HBP1: variants seen among roughly 807,000 people sequenced by gnomAD.
HBP1 encodes the protein HMG box-containing protein 1.
A neutral mutation model predicts 62.6 loss-of-function variants in HBP1; 20 were observed. The observed-to-expected ratio is 0.32, with a 90% confidence interval of 0.22 to 0.46. HBP1 has a LOEUF of 0.46. Ranked by LOEUF, HBP1 falls within the 20% of genes least tolerant of loss-of-function variation. HBP1 has a pLI of 1.00. For synonymous variants in HBP1, 232 were observed against 206.2 expected (o/e 1.12, Z -1.07); for missense variants, 480 against 611.8 (o/e 0.78, Z 2.27).
chr7:107,169,136 T>G lies in HBP1; in HGVS notation c.-65T>G, dbSNP rs902946928. On this transcript the variant is annotated 5_prime_UTR_variant, in exon 1 of 11. Coordinates refer to ENST00000222574, the MANE Select transcript of HBP1 (RefSeq NM_012257.4). Reference sequence around the variant, plus strand: ...GGGGGTACGAGAGCTGCTGGTGGTGTTGTCGTGGCCGGAGCGGCCCGCGCC... The same window carrying G: ...GGGGGTACGAGAGCTGCTGGTGGTGGTGTCGTGGCCGGAGCGGCCCGCGCC... The G allele has an allele frequency of 8.3e-5, 103 of 1,240,070 alleles. No individual in the cohort carries two copies. The highest frequency in any genetic ancestry group is 1.2e-4 in the South Asian group (9 of 75,058). The allele number at this position is 1,240,070 out of a possible 1,614,324, so 76.8% of individuals were successfully genotyped here.
intron 9 of HBP1, among the ~76,000 whole-genome samples, chr7:107,198,042 C>T (rs1798012868): frequency 6.6e-6 from 1 of 152,094 alleles, no homozygotes; most frequent in South Asian, 2.1e-4. Context: ...TCTTCCCCGC[C>T]AGTAGTTGAG....
intron 3 of HBP1, among the ~76,000 whole-genome samples, chr7:107,184,634 C>T (rs1003829387): frequency 1.2e-4 from 19 of 152,152 alleles, no homozygotes; most frequent in African/African-American, 4.6e-4. Context: ...CCTCAGCCTC[C>T]CGAGTAGCTG....
At chr7:107,200,623 A>G in intron 10 of HBP1, 1 of 181,880 alleles carries the variant, frequency 5.5e-6, no homozygotes, top group Non-Finnish European at 1.1e-5. Context: ...ATCCATTAAT[A>G]TCACAGTAGA....
chr7:107,201,575 A>G lies in HBP1; in HGVS notation c.*144A>G, dbSNP rs1002830899. 2.1e-6 allele frequency: 1 copy of G among 471,944 alleles called. No homozygotes were observed. Among genetic ancestry groups the G allele is most frequent in the Non-Finnish European group, 3.9e-6 (1 of 256,354 alleles). The allele number at this position is 471,944 out of a possible 1,614,324, so 29.2% of individuals were successfully genotyped here. A position where few individuals can be genotyped will look rare whatever the true frequency, so the allele number is the denominator to read the frequency against. ...TAGCATTGAGTCTTGAAATGATTTA[A>G]TAATATGAGTGAGGATTTGCTTTCT... On this transcript the variant is annotated 3_prime_UTR_variant, in exon 11 of 11. Coordinates refer to ENST00000222574, the MANE Select transcript of HBP1 (RefSeq NM_012257.4).
At chr7:107,199,695 C>A (rs2116016762) in intron 9 of HBP1, among the ~76,000 whole-genome samples, 1 of 152,302 alleles carries the variant, frequency 6.6e-6, no homozygotes, top group Non-Finnish European at 1.5e-5. Context: ...GAGTAACAAA[C>A]AGGAGAAAAC....
At chr7:107,188,542 G>T (rs1797497458) in intron 6 of HBP1, among the ~76,000 whole-genome samples, 2 of 152,194 alleles carry the variant, frequency 1.3e-5, no homozygotes. Context: ...TTCTGTGAAT[G>T]TAAGGGTAAG....
chr7:107,174,560 T>C, intron 1 of HBP1: 1 of 985,172 alleles, frequency 1.0e-6, no homozygotes, highest in Non-Finnish European at 1.2e-6. Flanking sequence ...CAGGACCTGC[T>C]GTAGGGAAGA....
intron 1 of HBP1, among the ~76,000 whole-genome samples, chr7:107,175,518 T>C (rs1796793018): frequency 6.6e-6 from 1 of 152,146 alleles, no homozygotes; most frequent in Non-Finnish European, 1.5e-5. Flanking sequence ...AAACTACAAT[T>C]GAAGACTCTG....
At chr7:107,170,436 C>A (rs1360452864) in intron 1 of HBP1, among the ~76,000 whole-genome samples, 1 of 151,400 alleles carries the variant, frequency 6.6e-6, no homozygotes, top group Non-Finnish European at 1.5e-5. Flanking sequence ...TTTTTTTTTG[C>A]TATTTTCCTT....
At chr7:107,183,441 TAGC>T (rs1797204881) in intron 3 of HBP1, among the ~76,000 whole-genome samples, 2 of 152,228 alleles carry the variant, frequency 1.3e-5, no homozygotes, top group South Asian at 4.1e-4. Flanking sequence ...TTCTTACATT[TAGC>T]AGGATATTGA....
intron 8 of HBP1, among the ~76,000 whole-genome samples, chr7:107,194,547 T>C (rs761727984): frequency 8.5e-5 from 13 of 152,240 alleles, no homozygotes; most frequent in Non-Finnish European, 1.6e-4. Flanking sequence ...CATTGTGTGC[T>C]TGATAAGTGG....
chr7:107,176,032 T>A, intron 1 of HBP1, among the ~76,000 whole-genome samples: 1 of 61,562 alleles, frequency 1.6e-5, no homozygotes, highest in East Asian at 6.7e-4. Context: ...CTTTTTTCAT[T>A]TTTTTTTTTC....
Position 107,189,464 on chromosome 7 carries a change from C to G in HBP1, c.922+16C>G, listed in dbSNP as rs762034545. On this transcript the variant is annotated intron_variant, in intron 7 of 10. Coordinates refer to ENST00000222574, the MANE Select transcript of HBP1 (RefSeq NM_012257.4). ...AAAAATAAAGGTAGGGCTTGAATTG[C>G]ATTTGTAGTAACTTTTTTTAAACAA... 1.3e-6 allele frequency: 2 copies of G among 1,570,268 alleles called. No individual in the cohort carries two copies. The highest frequency in any genetic ancestry group is 1.9e-5 in the Admixed American group (1 of 54,036).
At chr7:107,170,569 A>G (rs1459626467) in intron 1 of HBP1, among the ~76,000 whole-genome samples, 1 of 152,194 alleles carries the variant, frequency 6.6e-6, no homozygotes, top group African/African-American at 2.4e-5. Flanking sequence ...TTGAGAATTA[A>G]ATCCACTCCC....
At chr7:107,177,556 G>A (rs940402923) in intron 1 of HBP1, among the ~76,000 whole-genome samples, 1 of 152,202 alleles carries the variant, frequency 6.6e-6, no homozygotes, top group African/African-American at 2.4e-5. Context: ...TATAAATTCA[G>A]TGTTTAGAAG....
At chr7:107,190,459 A>G in intron 8 of HBP1, 142 bp downstream of exon 8, 1 of 585,154 alleles carries the variant, frequency 1.7e-6, no homozygotes, top group Non-Finnish European at 3.0e-6. Flanking sequence ...GGAAAGTATG[A>G]CATGAAAACA....
intron 1 of HBP1, among the ~76,000 whole-genome samples, chr7:107,171,819 C>T (rs1289869718): frequency 7.0e-6 from 1 of 142,526 alleles, no homozygotes; most frequent in Non-Finnish European, 1.5e-5. Flanking sequence ...AAGATCAGGC[C>T]ACTGTACTCC....
intron 4 of HBP1, among the ~76,000 whole-genome samples, chr7:107,186,156 C>CTTTTTTTTTTTTTTTTTTTTTTTTTT (rs946488645): frequency 7.9e-6 from 1 of 127,274 alleles, no homozygotes; most frequent in Non-Finnish European, 1.7e-5. Flanking sequence ...TCTTTTTTTT[C>CTTTTTTTTTTTTTTTTTTTTTTTTTT]TTTTTTTTTC....
Position 107,186,108 on chromosome 7 carries a change from G to A in HBP1, c.540+166G>A, listed in dbSNP as rs115389848. ...AAGCTTATTATTAATGGGAATGTGC[G>A]TATAACTAAAGCTTCCAAAAACTTT... On this transcript the variant is annotated intron_variant, in intron 4 of 10. Transcript: ENST00000222574. 5.1e-3 allele frequency among the ~76,000 whole-genome samples: 758 copies of A among 149,606 alleles called. 7 individuals carry two copies. The highest frequency in any genetic ancestry group is 0.017 in the African/African-American group (678 of 40,806).
Sources: allele counts gnomAD v4.1 joint callset (sites outside exome capture counted in the v4.1 genomes callset), GRCh38; gene constraint gnomAD v4.1.1; transcripts MANE v1.5; gene names NCBI Gene and HGNC (gene_info 2026-07-23, HGNC 2026-07-21).